The following RERE variants were observed in gnomAD, a reference collection of about 807,000 sequenced individuals.
RERE encodes arginine-glutamic acid dipeptide repeats.
Under a neutral mutation model 146.1 loss-of-function variants are expected in RERE, and 40 were observed. The observed-to-expected ratio is 0.27, with a 90% CI of 0.21 to 0.36. The LOEUF (loss-of-function observed/expected upper bound fraction) is 0.36, where lower values mean the gene tolerates loss of function less well. Among genes scored for constraint, RERE ranks in the 10% least tolerant of loss-of-function variants. The pLI is 1.00. For synonymous variants in RERE, 1,003 were observed against 866.0 expected, an observed-to-expected ratio of 1.16 and a Z score of -2.78; for missense variants, 1,933 against 2,138.7, an observed-to-expected ratio of 0.90 and a Z score of 1.90.
At chr1:8,486,411 C>T (rs1426677470) in intron 10 of RERE, among the ~76,000 whole-genome samples, 1 of 151,898 alleles carries the variant, frequency 6.6e-6, no homozygotes, top group East Asian at 1.9e-4. Flanking sequence ...TTAGAGAAGC[C>T]CCAAGTATCT....
intron 13 of RERE, among the ~76,000 whole-genome samples, chr1:8,365,335 T>C (rs1229488985): frequency 6.6e-6 from 1 of 152,092 alleles, no homozygotes; most frequent in African/African-American, 2.4e-5. Flanking sequence ...GGTGAGAAGG[T>C]GTGGGCTCCA....
At chr1:8,631,770 A>C (rs1647037896) in intron 2 of RERE, among the ~76,000 whole-genome samples, 1 of 152,194 alleles carries the variant, frequency 6.6e-6, no homozygotes. Flanking sequence ...GTGGATCTCT[A>C]TACTAGTATA....
chr1:8,771,909 CAA>C (rs768264978), intron 1 of RERE, among the ~76,000 whole-genome samples: 6 of 59,448 alleles, frequency 1.0e-4, no homozygotes, highest in Non-Finnish European at 1.4e-4. Flanking sequence ...GACTCTGTCT[CAA>C]AAAAAAAAAA....
intron 1 of RERE, among the ~76,000 whole-genome samples, chr1:8,673,566 G>A (rs1206427868): frequency 6.6e-6 from 1 of 152,116 alleles, no homozygotes; most frequent in Non-Finnish European, 1.5e-5. Flanking sequence ...TCTATGTCAT[G>A]GGTTTTCAAC....
chr1:8,401,856 A>G (rs1251817829), intron 12 of RERE, among the ~76,000 whole-genome samples: 3 of 151,924 alleles, frequency 2.0e-5, no homozygotes, highest in African/African-American at 7.3e-5. Context: ...GATGCTGTGT[A>G]AATTTATTTT....
At position 8,360,469 on chromosome 1, in the gene RERE, A is replaced by T; in HGVS notation, c.3038T>A (p.Leu1013Gln). ...GGGGTGGGAGGCAGGGGGCGGGGGC[A>T]GGTTCTGGCTCTGGGTCAGCCCGGG... is the stretch of plus-strand genomic sequence containing the variant. ...QPPGLTQSQNLPPPPASHPPT... is the reference protein window; with the variant it reads ...QPPGLTQSQNQPPPPASHPPT... The change falls in exon 18 of 23, where the codon CTG becomes CAG. Residue 1013 changes from leucine (L) to glutamine (Q), a missense_variant. Leu to Gln is a moderately radical substitution (Grantham distance 113, BLOSUM62 -2). This residue lies in a region of RERE where 1,255 missense variants were observed against 1,153.8 expected (regional missense o/e 1.09). Coordinates refer to ENST00000400908, the MANE Select transcript of RERE (RefSeq NM_001042681.2). The T allele has an allele frequency of 2.1e-6, 2 of 931,822 alleles. No homozygotes were observed. The highest frequency in any genetic ancestry group is 2.8e-6 in the Non-Finnish European group (2 of 702,390). 57.7% of individuals were successfully genotyped at this position (931,822 alleles called of 1,614,324 possible). A position where few individuals can be genotyped will look rare whatever the true frequency, so the allele number is the denominator to read the frequency against.
At chr1:8,551,730 G>A (rs1475605813) in intron 6 of RERE, among the ~76,000 whole-genome samples, 1 of 152,202 alleles carries the variant, frequency 6.6e-6, no homozygotes, top group Non-Finnish European at 1.5e-5. Flanking sequence ...AACCAGATGT[G>A]TGTGTTTGGT....
At chr1:8,796,730 A>G (rs1197484996) in intron 1 of RERE, 2 of 152,124 alleles carry the variant, frequency 1.3e-5, no homozygotes, top group Non-Finnish European at 2.9e-5. Context: ...CAAACAGAAG[A>G]GGCATAAAAC....
chr1:8,709,615 G>A (rs1243569152), intron 1 of RERE, among the ~76,000 whole-genome samples: 1 of 152,144 alleles, frequency 6.6e-6, no homozygotes, highest in Non-Finnish European at 1.5e-5. Flanking sequence ...CACTATTTAT[G>A]TTATACAGCA....
intron 12 of RERE, among the ~76,000 whole-genome samples, chr1:8,396,452 A>G (rs1261017031): frequency 6.6e-6 from 1 of 152,212 alleles, no homozygotes; most frequent in African/African-American, 2.4e-5. Context: ...ACTCTTGACT[A>G]GAGTGATGGA....
intron 4 of RERE, among the ~76,000 whole-genome samples, chr1:8,599,456 A>T (rs1229345946): frequency 6.6e-6 from 1 of 152,360 alleles, no homozygotes; most frequent in Middle Eastern, 3.4e-3. Context: ...AGAGAATATG[A>T]GGAAAAACAA....
chr1:8,620,384 C>T (rs1350794372), intron 3 of RERE, among the ~76,000 whole-genome samples: 1 of 152,188 alleles, frequency 6.6e-6, no homozygotes, highest in Non-Finnish European at 1.5e-5. Context: ...TCTGCTTTTC[C>T]CAGTTTCCTA....
intron 1 of RERE, among the ~76,000 whole-genome samples, chr1:8,770,307 A>T (rs4908512): frequency 0.2 from 30,418 of 151,866 alleles, 3,486 homozygotes; most frequent in Middle Eastern, 0.27. Context: ...GTACTTATTT[A>T]AAAAAAAATT....
intron 21 of RERE, among the ~76,000 whole-genome samples, chr1:8,355,866 C>A (rs531951349): frequency 2.0e-5 from 3 of 152,234 alleles, no homozygotes; most frequent in African/African-American, 7.2e-5. Flanking sequence ...TGCCGTGAGT[C>A]CCCTCTGCTA....
At chr1:8,795,188 G>A (rs1641444251) in intron 1 of RERE, among the ~76,000 whole-genome samples, 2 of 151,918 alleles carry the variant, frequency 1.3e-5, no homozygotes, top group South Asian at 4.2e-4. Context: ...ACCATGCCAG[G>A]GTAATTTTTG....
chr1:8,531,041 C>CTATA (rs1645643096), intron 7 of RERE, among the ~76,000 whole-genome samples: 1 of 151,176 alleles, frequency 6.6e-6, no homozygotes, highest in South Asian at 2.1e-4. Context: ...ATCTATCTAT[C>CTATA]TATCTATCTA....
intron 1 of RERE, among the ~76,000 whole-genome samples, chr1:8,716,150 A>G (rs867500632): frequency 4.7e-5 from 7 of 147,806 alleles, no homozygotes; most frequent in East Asian, 2.0e-4. Context: ...ATCTCGAGGG[A>G]AAAAAAAAAG....
chr1:8,805,238 CG>C (rs1641667925), intron 1 of RERE, among the ~76,000 whole-genome samples: 2 of 151,906 alleles, frequency 1.3e-5, no homozygotes, highest in Non-Finnish European at 1.5e-5. Context: ...GGGGGCCAGG[CG>C]CAACAGCTCA....
intron 4 of RERE, among the ~76,000 whole-genome samples, chr1:8,563,380 T>G (rs1197859166): frequency 6.6e-6 from 1 of 152,140 alleles, no homozygotes; most frequent in Non-Finnish European, 1.5e-5. Context: ...AGAGGTGGCC[T>G]GCAAGCCAGA....
Sources: gnomAD v4.1 joint callset for allele counts (sites outside exome capture counted in the v4.1 genomes callset) on GRCh38, gnomAD v4.1.1 for gene constraint, gnomAD v4.1.1 regional missense constraint, MANE v1.5 for transcripts, NCBI Gene and HGNC (gene_info 2026-07-23, HGNC 2026-07-21) for gene names.